Variants in MET observed in about 807,000 individuals in gnomAD.
The protein encoded by MET is MET proto-oncogene, receptor tyrosine kinase.
MET carries 48 observed loss-of-function variants against 133.1 expected under a neutral mutation model. That is an observed-to-expected ratio of 0.36 (90% CI 0.29 to 0.46). The LOEUF (loss-of-function observed/expected upper bound fraction) is 0.46, where lower values mean the gene tolerates loss of function less well. Ranked by LOEUF, MET falls within the 20% of genes least tolerant of loss-of-function variation. The probability of loss-of-function intolerance (pLI) is 1.00; values close to 1 mark genes in which losing one functional copy is unlikely to be tolerated. For synonymous variants in MET, 628 were observed against 616.5 expected (o/e 1.02, Z -0.28); for missense variants, 1,442 against 1,695.9 (o/e 0.85, Z 2.63).
rs1554394838 is a variant in MET, at chr7:116,755,036, G to GAAAGAAAGA, written c.1702-312_1702-311insGAAAAGAAA. ...AGAAAGAAAGAAAGAAAGAAAGAAAGAAAGAAAAGAAAGAAAGAACGGAAG... is the reference window on the plus strand; with the variant it reads ...AGAAAGAAAGAAAGAAAGAAAGAAAGAAAGAAAGAAAAGAAAAGAAAGAAAGAACGGAAG... On this transcript the variant is annotated intron_variant, in intron 5 of 20. Transcript: ENST00000397752. 3.3e-5 allele frequency among the ~76,000 whole-genome samples: 5 copies of GAAAGAAAGA among 151,474 alleles called. No homozygotes were observed. The East Asian group carries it at 5.8e-4, about 18-fold the overall frequency.
In MET at chr7:116,740,025, G is replaced by A. The variant is rs1287713346; in HGVS notation, c.1468G>A (p.Val490Met). The A allele has an allele frequency of 6.2e-7, 1 of 1,614,006 alleles. No individual in the cohort carries two copies. The highest frequency in any genetic ancestry group is 1.3e-5 in the African/African-American group (1 of 74,938). Residue 490 changes from valine to methionine, a missense_variant, in exon 4 of 21, where the codon GTG becomes ATG. Physicochemically the swap from Val to Met is conservative, Grantham distance 21. This residue lies in a region of MET where 762 missense variants were observed against 792.4 expected (regional missense o/e 0.96). Transcript: ENST00000397752. ...LLDSHPVSPE[V>M]IVEHTLNQNG... is the part of the protein sequence containing the mutation. ...GGACTCCCATCCAGTGTCTCCAGAA[G>A]TGATTGTGGAGCATACATTAAACCA...
intron 2 of MET, among the ~76,000 whole-genome samples, chr7:116,727,373 G>A (rs1792835380): frequency 6.6e-6 from 1 of 152,176 alleles, no homozygotes; most frequent in African/African-American, 2.4e-5. Context: ...CTCCTGAGGA[G>A]TGTGATAAAA....
At chr7:116,730,074 T>C (rs1203522613) in intron 2 of MET, among the ~76,000 whole-genome samples, 1 of 151,312 alleles carries the variant, frequency 6.6e-6, no homozygotes, top group Admixed American at 6.6e-5. Context: ...CACAGGTAAA[T>C]GATATTATGA....
intron 19 of MET, among the ~76,000 whole-genome samples, chr7:116,788,875 C>G (rs541486130): frequency 6.6e-6 from 1 of 152,256 alleles, no homozygotes; most frequent in East Asian, 1.9e-4. Flanking sequence ...AATCTGAATA[C>G]TCTTTAAGTC....
rs1392866293 is a variant in MET at position 116,723,561 on chromosome 7, C to T, written c.1201-8107C>T. ...CCTTTGGAGGAGGAGAGGCGCTCTG[C>T]GTTTTAGAGTTTCCAGTTTTTCTGT... On this transcript the variant is annotated intron_variant, in intron 2 of 20. Coordinates refer to ENST00000397752, the MANE Select transcript of MET (RefSeq NM_000245.4). Among the ~76,000 whole-genome samples, 39 of 152,112 alleles carry T rather than the reference C, an allele frequency of 2.6e-4. 1 individual carries two copies. Among genetic ancestry groups the T allele is most frequent in the African/African-American group, 9.2e-4 (38 of 41,376 alleles).
chr7:116,758,303 C>T (rs1055562088), intron 8 of MET, among the ~76,000 whole-genome samples, 156 bp from the exon 9 acceptor site: 1 of 152,046 alleles, frequency 6.6e-6, no homozygotes, highest in Non-Finnish European at 1.5e-5. Context: ...AGTTTGAGAT[C>T]CAGTCAGATT....
chr7:116,716,304 A>G (rs927985338), intron 2 of MET, among the ~76,000 whole-genome samples: 1 of 133,158 alleles, frequency 7.5e-6, no homozygotes, highest in Non-Finnish European at 1.6e-5. Context: ...AGAGAGAGAG[A>G]GAGAGAGAGA....
At chr7:116,678,905 T>G (rs1477602415) in intron 1 of MET, among the ~76,000 whole-genome samples, 2 of 152,140 alleles carry the variant, frequency 1.3e-5, no homozygotes, top group African/African-American at 4.8e-5. Flanking sequence ...TAAGGCCTTT[T>G]TGTTCCAGAA....
chr7:116,714,376 C>T (rs1378120910), intron 2 of MET, among the ~76,000 whole-genome samples: 1 of 152,116 alleles, frequency 6.6e-6, no homozygotes, highest in Non-Finnish European at 1.5e-5. Context: ...ATATATTCTG[C>T]TCCAAGTATT....
intron 1 of MET, among the ~76,000 whole-genome samples, chr7:116,692,913 G>T (rs1796824736): frequency 6.6e-6 from 1 of 152,146 alleles, no homozygotes; most frequent in African/African-American, 2.4e-5. Flanking sequence ...CTCAAAGTTG[G>T]TTAAATGGCT....
At chr7:116,733,314 T>C (rs1003168327) in intron 3 of MET, among the ~76,000 whole-genome samples, 3 of 152,056 alleles carry the variant, frequency 2.0e-5, no homozygotes, top group Non-Finnish European at 2.9e-5. Flanking sequence ...ATGTGTTCAT[T>C]ATGTTGATTT....
At chr7:116,748,920 C>T (rs920681675) in intron 5 of MET, among the ~76,000 whole-genome samples, 1 of 152,156 alleles carries the variant, frequency 6.6e-6, no homozygotes, top group African/African-American at 2.4e-5. Context: ...AGTTGAATCC[C>T]TGAATAGACC....
At chr7:116,780,494 TTTG>T (rs1430978343) in intron 17 of MET, among the ~76,000 whole-genome samples, 3 of 152,092 alleles carry the variant, frequency 2.0e-5, no homozygotes, top group Non-Finnish European at 2.9e-5. Context: ...CACTTCAACT[TTTG>T]TTATTACCCT....
intron 10 of MET, among the ~76,000 whole-genome samples, chr7:116,759,922 C>T (rs1029156431): frequency 2.0e-5 from 3 of 152,064 alleles, no homozygotes; most frequent in South Asian, 2.1e-4. Flanking sequence ...ACTACAGGCA[C>T]GAGCCATCAT....
chr7:116,783,516 C>T (rs2117068188), intron 19 of MET, 47 bp downstream of exon 19: 1 of 1,606,748 alleles, frequency 6.2e-7, no homozygotes, highest in Non-Finnish European at 8.5e-7. Flanking sequence ...ACTTTCATAT[C>T]CAACTTTTTT....
At chr7:116,716,469 GAAAGAA>G in intron 2 of MET, among the ~76,000 whole-genome samples, 1 of 18,196 alleles carries the variant, frequency 5.5e-5, no homozygotes, top group South Asian at 1.7e-3. Context: ...GAAAGAAAGA[GAAAGAA>G]AGAAAGAAAG....
intron 1 of MET, among the ~76,000 whole-genome samples, chr7:116,685,785 G>A (rs367595475): frequency 3.3e-5 from 5 of 152,236 alleles, no homozygotes; most frequent in East Asian, 3.9e-4. Context: ...TCTGCATGTC[G>A]GTAACTGGCA....
chr7:116,711,545 T>C (rs1791996653), intron 2 of MET, among the ~76,000 whole-genome samples: 1 of 152,180 alleles, frequency 6.6e-6, no homozygotes, highest in South Asian at 2.1e-4. Flanking sequence ...ATAGTAAATA[T>C]GAAGCTTAAA....
At chr7:116,715,399 C>G (rs1419458980) in intron 2 of MET, among the ~76,000 whole-genome samples, 1 of 152,194 alleles carries the variant, frequency 6.6e-6, no homozygotes, top group African/African-American at 2.4e-5. Flanking sequence ...CTGCCTCCAT[C>G]TTTATGTGGC....
Sources: allele counts gnomAD v4.1 joint callset (sites outside exome capture counted in the v4.1 genomes callset), GRCh38; gene constraint gnomAD v4.1.1; regional missense constraint gnomAD v4.1.1; transcripts MANE v1.5; gene names NCBI Gene and HGNC (gene_info 2026-07-23, HGNC 2026-07-21).